DIP2C: variants seen among roughly 807,000 people sequenced by gnomAD.
The protein encoded by DIP2C is disco-interacting protein 2 homolog C.
Under a neutral mutation model 192.4 loss-of-function variants are expected in DIP2C, and 33 were observed. That is an observed-to-expected ratio of 0.17 (90% CI 0.13 to 0.23). DIP2C has a LOEUF of 0.23. DIP2C is among the 10% of genes least tolerant of loss of function. The pLI, the probability that DIP2C is intolerant of heterozygous loss-of-function variation, is 1.00. For synonymous variants in DIP2C, 979 were observed against 864.1 expected, an observed-to-expected ratio of 1.13 and a Z score of -2.33; for missense variants, 1,537 against 2,110.1, an observed-to-expected ratio of 0.73 and a Z score of 5.32.
intron 1 of DIP2C, among the ~76,000 whole-genome samples, chr10:559,962 A>G (rs1027587378): frequency 6.3e-5 from 9 of 143,606 alleles, no homozygotes; most frequent in African/African-American, 2.1e-4. Context: ...TCCGGTTCTC[A>G]CCTCTCCCCC....
chr10:646,409 G>C (rs965900039), intron 1 of DIP2C, among the ~76,000 whole-genome samples: 1 of 151,946 alleles, frequency 6.6e-6, no homozygotes, highest in African/African-American at 2.4e-5. Flanking sequence ...CACCCGCCTC[G>C]ACTCCCCCAT....
chr10:473,667 C>T (rs979375926), intron 2 of DIP2C, among the ~76,000 whole-genome samples: 4 of 151,770 alleles, frequency 2.6e-5, no homozygotes, highest in Non-Finnish European at 5.9e-5. Context: ...CGTCATCCTA[C>T]GTCGTCCCCA....
chr10:579,323 G>C (rs151028804), intron 1 of DIP2C, among the ~76,000 whole-genome samples: 49 of 151,124 alleles, frequency 3.2e-4, no homozygotes, highest in Admixed American at 1.3e-3. Context: ...ACTATAATAC[G>C]TGTGTACATG....
At chr10:542,896 G>C (rs909099243) in intron 1 of DIP2C, among the ~76,000 whole-genome samples, 2 of 151,960 alleles carry the variant, frequency 1.3e-5, no homozygotes. Context: ...GGAGTGGGGG[G>C]TTCTGACCCT....
intron 1 of DIP2C, among the ~76,000 whole-genome samples, chr10:606,411 T>C: frequency 6.6e-6 from 1 of 151,336 alleles, no homozygotes; most frequent in East Asian, 1.9e-4. Flanking sequence ...CGTAATTACC[T>C]GCTGTGATCC....
At chr10:407,988 CTG>C (rs1457107785) in intron 9 of DIP2C, among the ~76,000 whole-genome samples, 8 of 152,272 alleles carry the variant, frequency 5.3e-5, no homozygotes, top group Admixed American at 1.3e-4. Context: ...ATCCAAGAAA[CTG>C]TTGCCAAATC....
intron 15 of DIP2C, 59 bp from the exon 16 acceptor site, chr10:384,205 A>C: frequency 6.3e-7 from 1 of 1,589,816 alleles, no homozygotes; most frequent in Non-Finnish European, 8.5e-7. Context: ...CCCCTATTGC[A>C]AAAGAGAGAT....
At position 418,049 on chromosome 10, in the gene DIP2C, CT is replaced by C. The variant is rs1383284045; in HGVS notation, c.739+1015del. ...CCCTGTCCACCTGTTCCTGTCAGGG[CT>C]TCGATAGGCCTCCCTGTTCACTGCA... On this transcript the variant is annotated intron_variant, in intron 6 of 36. Transcript: ENST00000280886. Among the ~76,000 whole-genome samples the C allele has an allele frequency of 3.1e-4, 9 of 28,746 alleles. 3 individuals carry two copies. Among genetic ancestry groups the C allele is most frequent in the Admixed American group, 1.2e-3 (4 of 3,366 alleles). 18.9% of individuals were successfully genotyped at this position (28,746 alleles called of 152,430 possible).
chr10:447,275 C>T (rs796680395), intron 3 of DIP2C, among the ~76,000 whole-genome samples: 77 of 79,648 alleles, frequency 9.7e-4, no homozygotes, highest in Middle Eastern at 6.8e-3. Context: ...TCACCCCCGT[C>T]GATATTCAGG....
chr10:334,304 C>CAAAAAAAAAAAAAAAAAAAAAAAAAAA (rs35031456), intron 29 of DIP2C, among the ~76,000 whole-genome samples: 1 of 82,416 alleles, frequency 1.2e-5, no homozygotes, highest in Non-Finnish European at 2.1e-5. Context: ...AAGACTGTCT[C>CAAAAAAAAAAAAAAAAAAAAAAAAAAA]AAAAAAAAAA....
chr10:318,079 G>C (rs946761490), intron 31 of DIP2C, among the ~76,000 whole-genome samples: 1 of 152,302 alleles, frequency 6.6e-6, no homozygotes, highest in South Asian at 2.1e-4. Context: ...GCTGCATCAC[G>C]GTGGCTTCCT....
At chr10:647,425 T>C (rs1253758641) in intron 1 of DIP2C, among the ~76,000 whole-genome samples, 288 of 65,734 alleles carry the variant, frequency 4.4e-3, no homozygotes, top group East Asian at 8.5e-3. Flanking sequence ...CAGAGCGAAA[T>C]TGAGTCCACA....
Position 337,011 on chromosome 10 carries a change from C to CTG in DIP2C, c.3584+4186_3584+4187dup, listed in dbSNP as rs71374355. Among the ~76,000 whole-genome samples, 97 of 38,622 alleles carry CTG rather than the reference C, an allele frequency of 2.5e-3. 2 individuals are homozygous for CTG. Among genetic ancestry groups the CTG allele is most frequent in the Middle Eastern group, 0.026 (1 of 38 alleles). 25.3% of individuals were successfully genotyped at this position (38,622 alleles called of 152,430 possible). ...GTGTGTGTTGTGGAGGCCTAGGCAGCTGTGTGTGTGTGTGTGTGTGTTGTG... is the reference window on the plus strand; with the variant it reads ...GTGTGTGTTGTGGAGGCCTAGGCAGCTGTGTGTGTGTGTGTGTGTGTGTTGTG... On this transcript the variant is annotated intron_variant, in intron 29 of 36. Transcript: ENST00000280886.
intron 1 of DIP2C, among the ~76,000 whole-genome samples, chr10:503,824 T>TCTATATA (rs1445900236): frequency 1.3e-5 from 2 of 152,196 alleles, no homozygotes. Flanking sequence ...TCATCACGGT[T>TCTATATA]CTATATACAC....
chr10:650,849 G>A, intron 1 of DIP2C: 1 of 716,372 alleles, frequency 1.4e-6, no homozygotes, highest in Non-Finnish European at 2.6e-6. Flanking sequence ...CCCCACTTGT[G>A]AGAGGTCCGT....
intron 1 of DIP2C, among the ~76,000 whole-genome samples, chr10:615,950 C>G (rs1853443908): frequency 6.6e-6 from 1 of 152,198 alleles, no homozygotes; most frequent in South Asian, 2.1e-4. Context: ...ACAGCCCGCT[C>G]ACATTAATGA....
intron 1 of DIP2C, among the ~76,000 whole-genome samples, chr10:567,295 TCTC>T (rs757927011): frequency 3.9e-5 from 6 of 152,112 alleles, no homozygotes; most frequent in Non-Finnish European, 7.4e-5. Flanking sequence ...TTCAAGCAAT[TCTC>T]CTGCTTCAGC....
At chr10:462,926 T>G (rs1300095514) in intron 3 of DIP2C, among the ~76,000 whole-genome samples, 1 of 152,126 alleles carries the variant, frequency 6.6e-6, no homozygotes, top group Non-Finnish European at 1.5e-5. Context: ...CACATGATTA[T>G]CCCAATAGAT....
intron 10 of DIP2C, among the ~76,000 whole-genome samples, chr10:398,364 C>G (rs924759451): frequency 9.2e-5 from 14 of 152,326 alleles, no homozygotes; most frequent in African/African-American, 3.1e-4. Flanking sequence ...TTTCAACCAA[C>G]TGCCAATCAG....
Sources: gnomAD v4.1 joint callset for allele counts (sites outside exome capture counted in the v4.1 genomes callset) on GRCh38, gnomAD v4.1.1 for gene constraint, MANE v1.5 for transcripts, NCBI Gene and HGNC (gene_info 2026-07-23, HGNC 2026-07-21) for gene names.